Variants in FNDC3B observed in about 807,000 individuals in gnomAD.
FNDC3B encodes the protein fibronectin type III domain-containing protein 3B.
FNDC3B carries 12 observed loss-of-function variants against 151.5 expected under a neutral mutation model. That is an observed-to-expected ratio of 0.08 (90% CI 0.05 to 0.13). The LOEUF is 0.13. Among genes scored for constraint, FNDC3B ranks in the 10% least tolerant of loss-of-function variants. FNDC3B has a pLI of 1.00. For missense variants in FNDC3B, 1,214 were observed against 1,505.3 expected, an observed-to-expected ratio of 0.81 and a Z score of 3.20; for synonymous variants, 528 against 549.0, an observed-to-expected ratio of 0.96 and a Z score of 0.54.
intron 2 of FNDC3B, among the ~76,000 whole-genome samples, chr3:172,118,836 T>C (rs1296333444): frequency 1.3e-5 from 2 of 152,164 alleles, no homozygotes; most frequent in Non-Finnish European, 2.9e-5. Context: ...GGAGTCAAGA[T>C]ACCGTCAGCC....
intron 3 of FNDC3B, among the ~76,000 whole-genome samples, chr3:172,196,210 C>CAGTGT (rs1247304606): frequency 6.6e-6 from 1 of 152,038 alleles, no homozygotes; most frequent in East Asian, 1.9e-4. Context: ...TTTTTAGACA[C>CAGTGT]AGTGTCTTGC....
At chr3:172,236,401 A>G (rs1158642205) in intron 4 of FNDC3B, among the ~76,000 whole-genome samples, 2 of 152,218 alleles carry the variant, frequency 1.3e-5, no homozygotes, top group African/African-American at 2.4e-5. Context: ...GCTAGAATTT[A>G]GGACTGTGAT....
chr3:172,096,306 C>T (rs199965999), intron 1 of FNDC3B, among the ~76,000 whole-genome samples: 10 of 152,206 alleles, frequency 6.6e-5, no homozygotes, highest in East Asian at 1.9e-4. Context: ...TACCTATAAA[C>T]GTAGAAACAA....
At chr3:172,291,571 C>T (rs989805272) in intron 7 of FNDC3B, among the ~76,000 whole-genome samples, 1 of 152,156 alleles carries the variant, frequency 6.6e-6, no homozygotes, top group South Asian at 2.1e-4. Flanking sequence ...CAAATGTATA[C>T]TAGTAACCTA....
chr3:172,361,030 G>A (rs1164927531), intron 22 of FNDC3B, among the ~76,000 whole-genome samples: 1 of 152,160 alleles, frequency 6.6e-6, no homozygotes, highest in African/African-American at 2.4e-5. Context: ...TGTACAAAAA[G>A]TGTGGTGCCA....
chr3:172,293,811 ACT>A (rs1491420038), intron 7 of FNDC3B, among the ~76,000 whole-genome samples: 9 of 152,228 alleles, frequency 5.9e-5, no homozygotes, highest in Admixed American at 1.3e-4. Context: ...CTGAAGAGAG[ACT>A]CTGCATTCAT....
At chr3:172,233,241 A>G (rs896267025) in intron 4 of FNDC3B, among the ~76,000 whole-genome samples, 2 of 152,218 alleles carry the variant, frequency 1.3e-5, no homozygotes, top group African/African-American at 4.8e-5. Flanking sequence ...GAAACCTCCA[A>G]GTTAATGTTC....
intron 4 of FNDC3B, among the ~76,000 whole-genome samples, chr3:172,239,131 C>T (rs1186817868): frequency 2.6e-5 from 4 of 151,788 alleles, no homozygotes; most frequent in Non-Finnish European, 5.9e-5. Context: ...CTTCTGTGTG[C>T]CCAGTTGCTT....
chr3:172,091,873 G>GTGTGT (rs3221957), intron 1 of FNDC3B, among the ~76,000 whole-genome samples: 3 of 124,756 alleles, frequency 2.4e-5, no homozygotes, highest in African/African-American at 9.5e-5. Context: ...ACTTTACTGG[G>GTGTGT]GTGTGTGTGT....
intron 23 of FNDC3B, among the ~76,000 whole-genome samples, chr3:172,371,506 C>T (rs1248532520): frequency 6.6e-6 from 1 of 152,210 alleles, no homozygotes; most frequent in Non-Finnish European, 1.5e-5. Context: ...GAAGATATTA[C>T]AGTCAAAGCT....
intron 1 of FNDC3B, among the ~76,000 whole-genome samples, chr3:172,094,750 T>A (rs1719015726): frequency 6.6e-6 from 1 of 151,692 alleles, no homozygotes; most frequent in Non-Finnish European, 1.5e-5. Context: ...CTCACAGTGC[T>A]AAGTCCTCTG....
At chr3:172,301,779 G>GC (rs2108232328) in intron 9 of FNDC3B, 1 of 152,286 alleles carries the variant, frequency 6.6e-6, no homozygotes, top group Admixed American at 6.5e-5. Flanking sequence ...GATCGCTTGA[G>GC]CAGAGGGGTT....
intron 11 of FNDC3B, among the ~76,000 whole-genome samples, chr3:172,326,553 G>C (rs1457968354): frequency 1.3e-5 from 2 of 152,164 alleles, no homozygotes; most frequent in African/African-American, 4.8e-5. Flanking sequence ...GTCTTGTTCT[G>C]TCGCCCAGGC....
chr3:172,282,441 T>C (rs1283081936), intron 6 of FNDC3B, among the ~76,000 whole-genome samples: 1 of 152,180 alleles, frequency 6.6e-6, no homozygotes, highest in Non-Finnish European at 1.5e-5. Context: ...AGGGCAGTGA[T>C]TGCTTTGTCA....
intron 25 of FNDC3B, among the ~76,000 whole-genome samples, chr3:172,388,273 T>C (rs759166835): frequency 6.6e-6 from 1 of 152,218 alleles, no homozygotes; most frequent in Non-Finnish European, 1.5e-5. Flanking sequence ...CTATGCAGCA[T>C]GTTATTTTGA....
chr3:172,162,563 CTG>C (rs1452708150), intron 3 of FNDC3B, among the ~76,000 whole-genome samples: 2 of 151,884 alleles, frequency 1.3e-5, no homozygotes, highest in Admixed American at 6.6e-5. Context: ...AATGGCCAGA[CTG>C]TTTCCAAAGC....
At position 172,040,930 on chromosome 3, in the gene FNDC3B, G is replaced by A. The variant is rs960699707; in HGVS notation, c.-29+1159G>A. 6.6e-6 allele frequency among the ~76,000 whole-genome samples: 1 copy of A among 152,294 alleles called. No individual in the cohort carries two copies. The highest frequency in any genetic ancestry group is 1.5e-5 in the Non-Finnish European group (1 of 68,000). On this transcript the variant is annotated intron_variant, in intron 1 of 25. Transcript: ENST00000415807. This position sits in a 1 kb window ranked among gnomAD's most constrained non-coding sequence, Gnocchi z 6.6. Reference sequence around the variant, plus strand: ...GGCGGGGAGGCTTCCAGGAGTGCGCGGTCGGAGTTGGAGCTTTTGGAATCT... The same window carrying A: ...GGCGGGGAGGCTTCCAGGAGTGCGCAGTCGGAGTTGGAGCTTTTGGAATCT...
chr3:172,313,148 G>A (rs1208531988), intron 11 of FNDC3B, among the ~76,000 whole-genome samples: 2 of 149,482 alleles, frequency 1.3e-5, no homozygotes, highest in African/African-American at 2.6e-5. Flanking sequence ...CAGGTTAATC[G>A]ACTCTCATCC....
intron 24 of FNDC3B, among the ~76,000 whole-genome samples, chr3:172,379,459 G>A (rs906547864): frequency 2.0e-5 from 3 of 152,246 alleles, no homozygotes; most frequent in African/African-American, 7.2e-5. Flanking sequence ...CAGGACCTGG[G>A]TCAGGATTTG....
Sources: gnomAD v4.1 joint callset for allele counts (sites outside exome capture counted in the v4.1 genomes callset) on GRCh38, gnomAD v4.1.1 for gene constraint, Gnocchi (gnomAD v3.1) non-coding constraint, MANE v1.5 for transcripts, NCBI Gene and HGNC (gene_info 2026-07-23, HGNC 2026-07-21) for gene names.